Variants in C4orf54 observed in about 807,000 individuals in gnomAD.
C4orf54 encodes uncharacterized protein C4orf54.
Under a neutral mutation model 80.1 loss-of-function variants are expected in C4orf54, and 67 were observed. The observed-to-expected ratio is 0.84, with a 90% CI of 0.69 to 1.03. The LOEUF is 1.03. C4orf54 is among the 50% of genes least tolerant of loss of function. The pLI is 0.00. For missense variants in C4orf54, 2,434 were observed against 2,253.5 expected, an observed-to-expected ratio of 1.08 and a Z score of -1.62; for synonymous variants, 1,000 against 917.0, an observed-to-expected ratio of 1.09 and a Z score of -1.64.
Position 99,649,964 on chromosome 4 carries a change from T to C in C4orf54, c.4685A>G (p.Gln1562Arg). ...CTGTAGGGTGAAGGGCAGCGGCGGC[T>C]GGTGGTAGATGGTGGTGGGGGGATG... ...PEHPPTTIYH[Q>R]PPLPFTLQGA... The change falls in exon 2 of 3, where the codon CAG becomes CGG. Residue 1562 changes from glutamine to arginine, a missense_variant. By Grantham distance (43) the Gln-to-Arg change is conservative (BLOSUM62 1). Coordinates refer to ENST00000511828, the MANE Select transcript of C4orf54 (RefSeq NM_001354435.2). 1 of 1,530,590 alleles carries C rather than the reference T, an allele frequency of 6.5e-7. No individual in the cohort carries two copies. The highest frequency in any genetic ancestry group is 8.7e-7 in the Non-Finnish European group (1 of 1,144,010). 94.8% of individuals were successfully genotyped at this position (1,530,590 alleles called of 1,614,324 possible).
Position 99,640,660 on chromosome 4 carries a change from T to C in C4orf54, c.*573A>G, listed in dbSNP as rs2110246850. 6.6e-6 allele frequency: 1 copy of C among 152,214 alleles called. No homozygotes were observed. The highest frequency in any genetic ancestry group is 1.9e-4 in the East Asian group (1 of 5,188). The allele number at this position is 152,214 out of a possible 1,614,324, so 9.4% of individuals were successfully genotyped here. A position where few individuals can be genotyped will look rare whatever the true frequency, so the allele number is the denominator to read the frequency against. On this transcript the variant is annotated 3_prime_UTR_variant, in exon 3 of 3. Coordinates refer to ENST00000511828, the MANE Select transcript of C4orf54 (RefSeq NM_001354435.2). ...TCATGCCAAACCTAATAAAAGAACA[T>C]ATAGAGCATAACCAAGAGAATGGGT...
intron 2 of C4orf54, among the ~76,000 whole-genome samples, chr4:99,644,492 C>T (rs960918824): frequency 8.5e-5 from 13 of 152,128 alleles, no homozygotes; most frequent in Admixed American, 7.2e-4. Context: ...GAGAGGAAGT[C>T]ACTACCAAGT....
chr4:99,649,971 A>G lies in C4orf54; in HGVS notation c.4678T>C (p.Tyr1560His). The G allele has an allele frequency of 6.5e-7, 1 of 1,531,818 alleles. No homozygotes were observed. Among genetic ancestry groups the G allele is most frequent in the African/African-American group, 1.4e-5 (1 of 72,128 alleles). 94.9% of individuals were successfully genotyped at this position (1,531,818 alleles called of 1,614,324 possible). ...QSPEHPPTTIYHQPPLPFTLQ... is the reference protein window; with the variant it reads ...QSPEHPPTTIHHQPPLPFTLQ... Reference sequence around the variant, plus strand: ...GTGAAGGGCAGCGGCGGCTGGTGGTAGATGGTGGTGGGGGGATGCTCGGGG... The same window carrying G: ...GTGAAGGGCAGCGGCGGCTGGTGGTGGATGGTGGTGGGGGGATGCTCGGGG... The change falls in exon 2 of 3, where the codon TAC becomes CAC. Residue 1560 changes from tyrosine (Y) to histidine (H), a missense_variant. Tyr to His is a moderately conservative substitution (Grantham distance 83). Transcript: ENST00000511828.
rs1456688141 is a variant in C4orf54, at chr4:99,649,369, G to A, written c.5280C>T (p.Gly1760=). ...GCGAAGTAATGCTGATGACAGGCTT[G>A]CCATGCAGCTGGGCAAAGGCCTTGG... is the stretch of plus-strand genomic sequence containing the variant. The part of the protein sequence containing the change: ...LGAKAFAQLH[G]KPVISITSQP... Residue 1760 remains glycine (G), a synonymous_variant, in exon 2 of 3, where the codon GGC becomes GGT. Coordinates refer to ENST00000511828, the MANE Select transcript of C4orf54 (RefSeq NM_001354435.2). 6.5e-7 allele frequency: 1 copy of A among 1,536,032 alleles called. No individual in the cohort carries two copies. The highest frequency in any genetic ancestry group is 8.7e-7 in the Non-Finnish European group (1 of 1,146,922).
At position 99,652,156 on chromosome 4, in the gene C4orf54, C is replaced by G; in HGVS notation, c.2493G>C (p.Arg831Ser). ...MQREHEFKME[R>S]GEVMDTSHHL... is the part of the protein sequence containing the mutation. The stretch of plus-strand genomic sequence containing the variant: ...GGTGGGATGTATCCATGACTTCTCC[C>G]CTCTCCATTTTGAACTCGTGTTCCC... Residue 831 changes from arginine to serine, a missense_variant, in exon 2 of 3, where the codon AGG becomes AGC. Coordinates refer to ENST00000511828, the MANE Select transcript of C4orf54 (RefSeq NM_001354435.2). 1 of 1,536,082 alleles carries G rather than the reference C, an allele frequency of 6.5e-7. No individual in the cohort carries two copies. Among genetic ancestry groups the G allele is most frequent in the Non-Finnish European group, 8.7e-7 (1 of 1,146,872 alleles).
Position 99,653,273 on chromosome 4 carries a change from C to A in C4orf54, c.1376G>T (p.Arg459Leu). The change falls in exon 2 of 3, where the codon CGC (arginine) becomes CTC (leucine). Residue 459 changes from arginine (R) to leucine (L), a missense_variant. Arg to Leu is a moderately radical substitution (Grantham distance 102). Coordinates refer to ENST00000511828, the MANE Select transcript of C4orf54 (RefSeq NM_001354435.2). ...GGTGCTGCTGGTGTCGCGGCCACTG[C>A]GGCCTGCATTGGGGCGGGCCAGGTC... ...SSDLARPNAG[R>L]SGRDTSSTEV... The A allele has an allele frequency of 6.5e-7, 1 of 1,529,926 alleles. No individual in the cohort carries two copies. Among genetic ancestry groups the A allele is most frequent in the East Asian group, 2.5e-5 (1 of 40,724 alleles). 94.8% of individuals were successfully genotyped at this position (1,529,926 alleles called of 1,614,324 possible).
At position 99,653,148 on chromosome 4, in the gene C4orf54, C is replaced by T. The variant is rs1279412723; in HGVS notation, c.1501G>A (p.Ala501Thr). The T allele has an allele frequency of 6.5e-6, 10 of 1,536,080 alleles. No individual in the cohort carries two copies. In the African/African-American group the frequency reaches 1.4e-4, roughly 21 times the overall value. ...GCGGCGGCGGCTGCTGCCCCTGAAG[C>T]TGCCTCCGGGGTCTCAGGCAAGGGC... ...TEPLPETPEA[A>T]SGAAAAAASS... The change falls in exon 2 of 3, where the codon GCT becomes ACT. Residue 501 changes from alanine to threonine, a missense_variant. Ala to Thr is a moderately conservative substitution (Grantham distance 58). Coordinates refer to ENST00000511828, the MANE Select transcript of C4orf54 (RefSeq NM_001354435.2).
In C4orf54 at chr4:99,640,343, T is replaced by C. The variant is rs750132413; in HGVS notation, c.*890A>G. The C allele has an allele frequency of 6.6e-5, 10 of 152,172 alleles. No individual in the cohort carries two copies. Among genetic ancestry groups the C allele is most frequent in the Non-Finnish European group, 1.5e-4 (10 of 68,008 alleles). 9.4% of individuals were successfully genotyped at this position (152,172 alleles called of 1,614,324 possible). On this transcript the variant is annotated 3_prime_UTR_variant, in exon 3 of 3. Transcript: ENST00000511828. ...TACTCTACTGCCCCAAATGGGTCAC[T>C]CTTTAGACTCTAAACAATCCATGAG...
intron 2 of C4orf54, among the ~76,000 whole-genome samples, chr4:99,643,497 C>T (rs943254564): frequency 6.6e-6 from 1 of 152,102 alleles, no homozygotes; most frequent in Non-Finnish European, 1.5e-5. Flanking sequence ...TTCACCCTTA[C>T]CTTTACAGCG....
In C4orf54 at chr4:99,640,522, T is replaced by C. The variant is rs1726588645; in HGVS notation, c.*711A>G. Reference sequence around the variant, plus strand: ...AGATGCAATCATTGGCTTTCCAGTATTTCAAGCCATTCTATTTTAAGGCAA... The same window carrying C: ...AGATGCAATCATTGGCTTTCCAGTACTTCAAGCCATTCTATTTTAAGGCAA... On this transcript the variant is annotated 3_prime_UTR_variant, in exon 3 of 3. Coordinates refer to ENST00000511828, the MANE Select transcript of C4orf54 (RefSeq NM_001354435.2). The C allele has an allele frequency of 1.3e-5, 2 of 152,216 alleles. No homozygotes were observed. The highest frequency in any genetic ancestry group is 4.8e-5 in the African/African-American group (2 of 41,468). 9.4% of individuals were successfully genotyped at this position (152,216 alleles called of 1,614,324 possible). A position where few individuals can be genotyped will look rare whatever the true frequency, so the allele number is the denominator to read the frequency against.
rs1726853355 is a variant in C4orf54 at position 99,652,191 on chromosome 4, T to C, written c.2458A>G (p.Lys820Glu). The C allele has an allele frequency of 6.5e-7, 1 of 1,536,008 alleles. No homozygotes were observed. The highest frequency in any genetic ancestry group is 1.4e-5 in the African/African-American group (1 of 73,146). ...TTGAACTCGTGTTCCCGCTGCATCTTCTTGGAAATGACATTTTTGAGCAGA... is the reference window on the plus strand; with the variant it reads ...TTGAACTCGTGTTCCCGCTGCATCTCCTTGGAAATGACATTTTTGAGCAGA... ...SSLLKNVISK[K>E]MQREHEFKME... Residue 820 changes from lysine to glutamate, a missense_variant, in exon 2 of 3, where the codon AAG becomes GAG. Physicochemically the swap from Lys to Glu is moderately conservative, Grantham distance 56. Coordinates refer to ENST00000511828, the MANE Select transcript of C4orf54 (RefSeq NM_001354435.2).
rs1324092341 is a variant in C4orf54, at chr4:99,648,392, C to A, written c.*36+839G>T. On this transcript the variant is annotated intron_variant, in intron 2 of 2. Transcript: ENST00000511828. ...CTAGGGGTAGGTGTGGAAGTTGATT[C>A]TTTTCTGAAGAAAGAATGCAGACAT... Among the ~76,000 whole-genome samples, 4 of 152,252 alleles carry A rather than the reference C, an allele frequency of 2.6e-5. No homozygotes were observed. The South Asian group carries it at 8.3e-4, about 32-fold the overall frequency.
In C4orf54 at chr4:99,654,360, G is replaced by GCAATGCTGC. The variant is rs1553930833; in HGVS notation, c.288_289insGCAGCATTG (p.Val96_Pro97insAlaAlaLeu). Reference sequence around the variant, plus strand: ...ATCTGGACTGGCCCCAAGGCTGTAGGCACTGCTGCCACTGCTGCCACCACC... The same window carrying GCAATGCTGC: ...ATCTGGACTGGCCCCAAGGCTGTAGGCAATGCTGCCACTGCTGCCACTGCTGCCACCACC... On this transcript the variant is annotated inframe_insertion, in exon 2 of 3. Transcript: ENST00000511828. 1 of 1,182,302 alleles carries GCAATGCTGC rather than the reference G, an allele frequency of 8.5e-7. No homozygotes were observed. Among genetic ancestry groups the GCAATGCTGC allele is most frequent in the African/African-American group, 1.5e-5 (1 of 65,740 alleles). 73.2% of individuals were successfully genotyped at this position (1,182,302 alleles called of 1,614,324 possible). A position where few individuals can be genotyped will look rare whatever the true frequency, so the allele number is the denominator to read the frequency against.
chr4:99,651,149 T>C lies in C4orf54; in HGVS notation c.3500A>G (p.Asp1167Gly). ...AVVNQREDSM[D>G]REPRESMGKG... ...GCCCATGCTTTCCCTGGGCTCTCGG[T>C]CCATGCTGTCTTCCCTCTGGTTCAC... is the stretch of plus-strand genomic sequence containing the variant. The change falls in exon 2 of 3, where the codon GAC becomes GGC. Residue 1167 changes from aspartate to glycine, a missense_variant. Transcript: ENST00000511828. 6.5e-7 allele frequency: 1 copy of C among 1,536,176 alleles called. No individual in the cohort carries two copies. The highest frequency in any genetic ancestry group is 8.7e-7 in the Non-Finnish European group (1 of 1,146,912).
chr4:99,651,469 G>A lies in C4orf54; in HGVS notation c.3180C>T (p.Asn1060=), dbSNP rs2110254353. 1 of 1,536,262 alleles carries A rather than the reference G, an allele frequency of 6.5e-7. No homozygotes were observed. The highest frequency in any genetic ancestry group is 1.2e-5 in the South Asian group (1 of 84,050). ...TPKLAGGSAS[N]LFKTIEDNSR... ...TGTTGTCCTCGATGGTCTTGAACAGGTTAGAGGCGCTGCCACCGGCCAGCT... is the reference window on the plus strand; with the variant it reads ...TGTTGTCCTCGATGGTCTTGAACAGATTAGAGGCGCTGCCACCGGCCAGCT... The change falls in exon 2 of 3, where the codon AAC becomes AAT. Residue 1060 remains asparagine, a synonymous_variant. Coordinates refer to ENST00000511828, the MANE Select transcript of C4orf54 (RefSeq NM_001354435.2).
chr4:99,644,452 AAT>A (rs1726664227), intron 2 of C4orf54, among the ~76,000 whole-genome samples: 1 of 152,192 alleles, frequency 6.6e-6, no homozygotes, highest in South Asian at 2.1e-4. Context: ...AAGAAGATAA[AAT>A]AAAACAGAAG....
At chr4:99,643,792 A>ACACACCC (rs61130907) in intron 2 of C4orf54, among the ~76,000 whole-genome samples, 27 of 98,896 alleles carry the variant, frequency 2.7e-4, no homozygotes, top group South Asian at 1.4e-3. Flanking sequence ...ACACACACAC[A>ACACACCC]CCCCCTCCGC....
Position 99,650,778 on chromosome 4 carries a change from G to A in C4orf54, c.3871C>T (p.Leu1291=). The change falls in exon 2 of 3, where the codon CTG becomes TTG. Residue 1291 remains leucine (L), a synonymous_variant. Coordinates refer to ENST00000511828, the MANE Select transcript of C4orf54 (RefSeq NM_001354435.2). ...PLPMMMDSHV[L]SLIASEEREG... ...CTCTCCTCACTGGCAATGAGCGACA[G>A]CACGTGGCTGTCCATCATCATAGGC... is the stretch of plus-strand genomic sequence containing the variant. The A allele has an allele frequency of 6.5e-7, 1 of 1,536,162 alleles. No homozygotes were observed. The highest frequency in any genetic ancestry group is 1.2e-5 in the South Asian group (1 of 84,062).
chr4:99,656,427 AC>A (rs995997705), intron 1 of C4orf54, among the ~76,000 whole-genome samples: 2 of 151,876 alleles, frequency 1.3e-5, no homozygotes, highest in African/African-American at 4.8e-5. Context: ...CCACAGGAGC[AC>A]CCCACCACGC....
Sources: gnomAD v4.1 joint callset for allele counts (sites outside exome capture counted in the v4.1 genomes callset) on GRCh38, gnomAD v4.1.1 for gene constraint, MANE v1.5 for transcripts, NCBI Gene and HGNC (gene_info 2026-07-23, HGNC 2026-07-21) for gene names.